DOK6: variants seen among roughly 807,000 people sequenced by gnomAD.
DOK6 encodes the protein downstream of tyrosine kinase 6.
DOK6 carries 22 observed loss-of-function variants against 44.0 expected under a neutral mutation model. The ratio of observed to expected loss-of-function variants is 0.50; its 90% CI spans 0.36 to 0.71. The LOEUF (loss-of-function observed/expected upper bound fraction) is 0.71. Ranked by LOEUF, DOK6 falls within the 30% of genes least tolerant of loss-of-function variation. The pLI, the probability that DOK6 is intolerant of heterozygous loss-of-function variation, is 0.00. For synonymous variants in DOK6, 166 were observed against 145.5 expected, an observed-to-expected ratio of 1.14 and a Z score of -1.01; for missense variants, 340 against 416.4, an observed-to-expected ratio of 0.82 and a Z score of 1.60.
At chr18:69,483,753 C>A (rs1248869011) in intron 1 of DOK6, 1 of 152,064 alleles carries the variant, frequency 6.6e-6, no homozygotes, top group East Asian at 1.9e-4. Flanking sequence ...ACAACAGTGC[C>A]TTAGCAGGCA....
intron 1 of DOK6, among the ~76,000 whole-genome samples, chr18:69,560,401 A>T (rs1982798979): frequency 6.9e-6 from 1 of 144,260 alleles, no homozygotes; most frequent in Non-Finnish European, 1.6e-5. Flanking sequence ...TTTGATGCCG[A>T]TTTTTTTTCT....
intron 6 of DOK6, among the ~76,000 whole-genome samples, chr18:69,749,103 A>G (rs1979083632): frequency 1.3e-5 from 2 of 152,176 alleles, no homozygotes; most frequent in Admixed American, 6.5e-5. Flanking sequence ...GGAACTGAAC[A>G]ATGAGAACAC....
At chr18:69,661,395 T>C (rs1985522199) in intron 3 of DOK6, 1 of 152,222 alleles carries the variant, frequency 6.6e-6, no homozygotes, top group Admixed American at 6.5e-5. Flanking sequence ...CCTTGGGAGT[T>C]AGGTTTCCAC....
At chr18:69,471,966 A>G (rs1422770234) in intron 1 of DOK6, among the ~76,000 whole-genome samples, 1 of 152,148 alleles carries the variant, frequency 6.6e-6, no homozygotes, top group South Asian at 2.1e-4. Flanking sequence ...TTGGTTATGG[A>G]ATAATTATAA....
intron 3 of DOK6, among the ~76,000 whole-genome samples, chr18:69,646,844 C>T (rs117801247): frequency 6.6e-6 from 1 of 152,124 alleles, no homozygotes; most frequent in Non-Finnish European, 1.5e-5. Context: ...AGTATTACCT[C>T]TATTTCTCCA....
At chr18:69,598,914 T>C (rs1172803934) in intron 2 of DOK6, among the ~76,000 whole-genome samples, 6 of 152,154 alleles carry the variant, frequency 3.9e-5, no homozygotes, top group African/African-American at 1.4e-4. Context: ...ATGTACCTTT[T>C]GGAGCAATGG....
intron 3 of DOK6, among the ~76,000 whole-genome samples, chr18:69,601,456 G>T (rs929870034): frequency 1.1e-4 from 16 of 152,122 alleles, no homozygotes; most frequent in Admixed American, 6.5e-4. Flanking sequence ...AGCAGTACTT[G>T]TGTTTATATA....
At chr18:69,702,703 A>G (rs1599272739) in intron 5 of DOK6, among the ~76,000 whole-genome samples, 1 of 152,372 alleles carries the variant, frequency 6.6e-6, no homozygotes, top group East Asian at 1.9e-4. Flanking sequence ...ACAGAAACCT[A>G]TGAGTGAATG....
At chr18:69,484,868 G>C (rs1432455709) in intron 1 of DOK6, among the ~76,000 whole-genome samples, 1 of 151,978 alleles carries the variant, frequency 6.6e-6, no homozygotes, top group Non-Finnish European at 1.5e-5. Context: ...GCAAAAATGT[G>C]GAAATCATGA....
At chr18:69,765,734 G>A (rs184225291) in intron 7 of DOK6, among the ~76,000 whole-genome samples, 257 of 152,146 alleles carry the variant, frequency 1.7e-3, no homozygotes, top group African/African-American at 5.1e-3. Flanking sequence ...CAAATATACC[G>A]GAGTTTGAAT....
chr18:69,537,685 C>A (rs1982160004), intron 1 of DOK6, among the ~76,000 whole-genome samples: 2 of 152,122 alleles, frequency 1.3e-5, no homozygotes, highest in Non-Finnish European at 2.9e-5. Flanking sequence ...TACTTCAGTT[C>A]CAATTTTAAG....
At chr18:69,572,794 T>C (rs149728680) in intron 2 of DOK6, among the ~76,000 whole-genome samples, 258 of 152,086 alleles carry the variant, frequency 1.7e-3, no homozygotes, top group African/African-American at 5.9e-3. Context: ...TTAAGTAATA[T>C]GAAAGCAAAG....
chr18:69,540,554 C>T (rs1599181193), intron 1 of DOK6, among the ~76,000 whole-genome samples: 1 of 152,142 alleles, frequency 6.6e-6, no homozygotes, highest in African/African-American at 2.4e-5. Flanking sequence ...CTATTTCCTC[C>T]ATAAATGCCT....
At chr18:69,708,371 C>T (rs140463676) in intron 5 of DOK6, among the ~76,000 whole-genome samples, 130 of 152,244 alleles carry the variant, frequency 8.5e-4, no homozygotes, top group Middle Eastern at 3.4e-3. Context: ...CAGCACTTTC[C>T]CTGTGCCTTC....
chr18:69,466,017 TG>T (rs1357518414), intron 1 of DOK6, among the ~76,000 whole-genome samples: 12 of 152,334 alleles, frequency 7.9e-5, no homozygotes, highest in African/African-American at 2.2e-4. Context: ...ATACTTTTTT[TG>T]TTGTGAGAAC....
Position 69,800,425 on chromosome 18 carries a change from G to C in DOK6, c.857-40819G>C, listed in dbSNP as rs759125740. Among the ~76,000 whole-genome samples the C allele has an allele frequency of 1.1e-3, 173 of 152,142 alleles. 1 individual carries two copies. Among genetic ancestry groups the C allele is most frequent in the Non-Finnish European group, 1.8e-3 (125 of 67,982 alleles). On this transcript the variant is annotated intron_variant, in intron 7 of 7. Transcript: ENST00000382713. ...AGAGAAATTACCCATTATGCCTCTG[G>C]AAAAGATATTAAGTGCTATTATTAA...
At chr18:69,527,551 C>T (rs370539021) in intron 1 of DOK6, among the ~76,000 whole-genome samples, 2 of 152,140 alleles carry the variant, frequency 1.3e-5, no homozygotes, top group African/African-American at 2.4e-5. Context: ...TCCCAGGACA[C>T]GTGGGGATTA....
chr18:69,641,635 C>A (rs1279000145), intron 3 of DOK6, among the ~76,000 whole-genome samples: 1 of 152,220 alleles, frequency 6.6e-6, no homozygotes, highest in Non-Finnish European at 1.5e-5. Flanking sequence ...GCTGCCCATA[C>A]TAATTGCATT....
chr18:69,752,383 C>A (rs972643425), intron 6 of DOK6, among the ~76,000 whole-genome samples: 1 of 152,032 alleles, frequency 6.6e-6, no homozygotes, highest in Admixed American at 6.6e-5. Flanking sequence ...CAGCTAAAGT[C>A]CCTAGATGGC....
Sources: gnomAD v4.1 joint callset for allele counts (sites outside exome capture counted in the v4.1 genomes callset) on GRCh38, gnomAD v4.1.1 for gene constraint, MANE v1.5 for transcripts, NCBI Gene and HGNC (gene_info 2026-07-23, HGNC 2026-07-21) for gene names.